The following CERS6 variants were observed in gnomAD, a reference collection of about 807,000 sequenced individuals.
CERS6 encodes the protein ceramide synthase 6, also known as LAG1 homolog, ceramide synthase 6.
Under a neutral mutation model 56.8 loss-of-function variants are expected in CERS6, and 26 were observed. The ratio of observed to expected loss-of-function variants is 0.46; its 90% CI spans 0.34 to 0.63. The LOEUF (loss-of-function observed/expected upper bound fraction) is 0.63. Ranked by LOEUF, CERS6 falls within the 30% of genes least tolerant of loss-of-function variation. The pLI is 0.01. For synonymous variants in CERS6, 164 were observed against 173.3 expected (o/e 0.95, Z 0.42); for missense variants, 415 against 467.5 (o/e 0.89, Z 1.04).
intron 1 of CERS6, among the ~76,000 whole-genome samples, chr2:168,490,677 G>A (rs1037543129): frequency 1.3e-5 from 2 of 152,084 alleles, no homozygotes; most frequent in African/African-American, 4.8e-5. Context: ...TCTGTCCCAG[G>A]CACTCAGCTC....
intron 3 of CERS6, among the ~76,000 whole-genome samples, chr2:168,577,905 T>A (rs569397747): frequency 1.3e-5 from 2 of 152,254 alleles, no homozygotes; most frequent in East Asian, 3.9e-4. Flanking sequence ...TGGCAGATAG[T>A]GAGGGCGAGG....
At chr2:168,506,531 A>G (rs2105348050) in intron 1 of CERS6, among the ~76,000 whole-genome samples, 1 of 152,326 alleles carries the variant, frequency 6.6e-6, no homozygotes, top group African/African-American at 2.4e-5. Context: ...ATAGACATTT[A>G]TAATTAAACT....
In CERS6 at chr2:168,769,940, CTG is replaced by C. The variant is rs768288596; in HGVS notation, c.*281_*282del. On this transcript the variant is annotated 3_prime_UTR_variant, in exon 10 of 10. Coordinates refer to ENST00000305747, the MANE Select transcript of CERS6 (RefSeq NM_203463.3). ...TATTTATTTTTTTGTATTTGTAAAT[CTG>C]TGGACAAAAGAGGGTTTCCTCACTC... 8.5e-5 allele frequency: 29 copies of C among 339,794 alleles called. No individual in the cohort carries two copies. Among genetic ancestry groups the C allele is most frequent in the Non-Finnish European group, 1.4e-4 (27 of 188,310 alleles). 21.0% of individuals were successfully genotyped at this position (339,794 alleles called of 1,614,324 possible).
chr2:168,739,161 G>C (rs920567936), intron 8 of CERS6, among the ~76,000 whole-genome samples: 1 of 144,260 alleles, frequency 6.9e-6, no homozygotes, highest in African/African-American at 2.6e-5. Context: ...CGCCTGCCTC[G>C]GCCTCCCAAA....
intron 3 of CERS6, among the ~76,000 whole-genome samples, chr2:168,590,590 T>G (rs1041048417): frequency 6.6e-6 from 1 of 152,142 alleles, no homozygotes; most frequent in African/African-American, 2.4e-5. Context: ...GTAAGACTAT[T>G]TTAGTATAAT....
At position 168,756,716 on chromosome 2, in the gene CERS6, A is replaced by G. The variant is rs115812711; in HGVS notation, c.846-8876A>G. 9.0e-3 allele frequency among the ~76,000 whole-genome samples: 1,372 copies of G among 152,298 alleles called. 21 individuals are homozygous for G. Among genetic ancestry groups the G allele is most frequent in the African/African-American group, 0.031 (1,281 of 41,568 alleles). ...ATGTGGGGACGGATCGGCTCTGAGC[A>G]TAAGCCTGGGTGAAGAACGGAGAAA... On this transcript the variant is annotated intron_variant, in intron 8 of 9. Transcript: ENST00000305747.
intron 4 of CERS6, among the ~76,000 whole-genome samples, chr2:168,642,247 C>A (rs1685069076): frequency 6.6e-6 from 1 of 152,036 alleles, no homozygotes; most frequent in African/African-American, 2.4e-5. Context: ...GTGGCTGAGG[C>A]GGGCAGGTCT....
At chr2:168,585,529 A>T (rs575866902) in intron 3 of CERS6, among the ~76,000 whole-genome samples, 1 of 152,168 alleles carries the variant, frequency 6.6e-6, no homozygotes, top group East Asian at 1.9e-4. Flanking sequence ...CCTCAGTAAG[A>T]CTCCCTTTCT....
chr2:168,724,464 C>A (rs1275672280), intron 8 of CERS6, among the ~76,000 whole-genome samples: 1 of 152,144 alleles, frequency 6.6e-6, no homozygotes, highest in Non-Finnish European at 1.5e-5. Flanking sequence ...TATCTGGCCC[C>A]ACCCACATCG....
intron 8 of CERS6, among the ~76,000 whole-genome samples, chr2:168,764,047 T>A (rs540371546): frequency 5.3e-5 from 8 of 152,352 alleles, no homozygotes; most frequent in Middle Eastern, 3.4e-3. Flanking sequence ...TGATGGTAGA[T>A]TACAGAGAGA....
chr2:168,694,566 T>C (rs1574166214), intron 5 of CERS6, among the ~76,000 whole-genome samples: 1 of 152,342 alleles, frequency 6.6e-6, no homozygotes, highest in East Asian at 1.9e-4. Flanking sequence ...TTCCAGTTCC[T>C]ATCACCTACT....
At chr2:168,648,571 G>A (rs1685260923) in intron 4 of CERS6, among the ~76,000 whole-genome samples, 1 of 151,806 alleles carries the variant, frequency 6.6e-6, no homozygotes, top group Non-Finnish European at 1.5e-5. Context: ...CTAGCTTTGG[G>A]GTTCATTTGT....
intron 8 of CERS6, among the ~76,000 whole-genome samples, chr2:168,742,104 T>G (rs186723982): frequency 6.6e-6 from 1 of 152,216 alleles, no homozygotes; most frequent in Non-Finnish European, 1.5e-5. Context: ...ATTTCATTGG[T>G]GTTGCAGTTT....
intron 1 of CERS6, among the ~76,000 whole-genome samples, chr2:168,523,117 TG>T (rs1695011249): frequency 6.6e-6 from 1 of 152,222 alleles, no homozygotes; most frequent in Non-Finnish European, 1.5e-5. Flanking sequence ...GTTCTGGTTT[TG>T]CTGCACTAGC....
At chr2:168,717,318 G>A (rs540742898) in intron 7 of CERS6, among the ~76,000 whole-genome samples, 3 of 152,280 alleles carry the variant, frequency 2.0e-5, no homozygotes, top group African/African-American at 4.8e-5. Context: ...GTTCATGAGA[G>A]TAAGCCAGAA....
chr2:168,657,776 G>C (rs1456192707), intron 4 of CERS6, among the ~76,000 whole-genome samples: 1 of 152,234 alleles, frequency 6.6e-6, no homozygotes, highest in African/African-American at 2.4e-5. Flanking sequence ...ACTCCAGCTG[G>C]CCCGCAAGCG....
chr2:168,742,317 T>C (rs903797446), intron 8 of CERS6, among the ~76,000 whole-genome samples: 2 of 152,212 alleles, frequency 1.3e-5, no homozygotes, highest in Non-Finnish European at 2.9e-5. Context: ...CCAAATACAA[T>C]TATCATGGAA....
intron 8 of CERS6, among the ~76,000 whole-genome samples, chr2:168,755,620 T>C (rs752821650): frequency 6.6e-6 from 1 of 152,138 alleles, no homozygotes; most frequent in Non-Finnish European, 1.5e-5. Context: ...AAAATACAAA[T>C]TGTCCCAGCC....
intron 4 of CERS6, among the ~76,000 whole-genome samples, chr2:168,662,835 G>T (rs1470796806): frequency 2.0e-5 from 3 of 152,238 alleles, no homozygotes; most frequent in Non-Finnish European, 4.4e-5. Context: ...TAAAGTCTTT[G>T]CAGCTTCCTG....
Sources: gnomAD v4.1 joint callset for allele counts (sites outside exome capture counted in the v4.1 genomes callset) on GRCh38, gnomAD v4.1.1 for gene constraint, MANE v1.5 for transcripts, NCBI Gene and HGNC (gene_info 2026-07-23, HGNC 2026-07-21) for gene names.